TRPM7: variants seen among roughly 807,000 people sequenced by gnomAD.
TRPM7 encodes the protein transient receptor potential cation channel subfamily M member 7.
Under a neutral mutation model 229.7 loss-of-function variants are expected in TRPM7, and 134 were observed. The ratio of observed to expected loss-of-function variants is 0.58; its 90% CI spans 0.51 to 0.67. TRPM7 has a LOEUF of 0.67. TRPM7 is among the 30% of genes least tolerant of loss of function. The pLI is 0.00. For synonymous variants in TRPM7, 699 were observed against 715.2 expected, an observed-to-expected ratio of 0.98 and a Z score of 0.36; for missense variants, 1,901 against 2,210.0, an observed-to-expected ratio of 0.86 and a Z score of 2.80.
rs1566995531 is a variant in TRPM7 at position 50,607,112 on chromosome 15, C to CA, written c.2709+87_2709+88insT. On this transcript the variant is annotated intron_variant, in intron 20 of 38. Transcript: ENST00000646667. ...ACAATGTCATCATACACACACACAC[C>CA]CCCCTACGTATACACCCAAAACAAA... 9.9e-5 allele frequency: 110 copies of CA among 1,114,168 alleles called. 1 individual carries two copies. The highest frequency in any genetic ancestry group is 1.6e-4 in the South Asian group (9 of 56,876). 69.0% of individuals were successfully genotyped at this position (1,114,168 alleles called of 1,614,324 possible).
At chr15:50,669,214 G>A (rs1046531656) in intron 1 of TRPM7, among the ~76,000 whole-genome samples, 3 of 152,152 alleles carry the variant, frequency 2.0e-5, no homozygotes, top group Non-Finnish European at 4.4e-5. Flanking sequence ...GGCTGAGGTA[G>A]GTGGATCACC....
At chr15:50,610,088 G>A (rs1458888048) in intron 17 of TRPM7, 127 bp from the exon 18 acceptor site, 3 of 666,268 alleles carry the variant, frequency 4.5e-6, no homozygotes, top group South Asian at 3.0e-5. Context: ...TTTGCCCCTA[G>A]CAGTAGAGGG....
chr15:50,603,538 C>T (rs1320123664), intron 21 of TRPM7, among the ~76,000 whole-genome samples: 3 of 151,938 alleles, frequency 2.0e-5, no homozygotes, highest in Non-Finnish European at 2.9e-5. Context: ...GTTCAATTCC[C>T]ACCTATGAGT....
rs185189010 is a variant in TRPM7 at position 50,649,530 on chromosome 15, T to C, written c.123-645A>G. Among the ~76,000 whole-genome samples, 13 of 151,616 alleles carry C rather than the reference T, an allele frequency of 8.6e-5. No homozygotes were observed. The East Asian group carries it at 2.5e-3, about 29-fold the overall frequency. On this transcript the variant is annotated intron_variant, in intron 3 of 38. Coordinates refer to ENST00000646667, the MANE Select transcript of TRPM7 (RefSeq NM_017672.6). ...CTAATAATACTACAGAATGGATAAA[T>C]CTCAAAATCATCATACTGAGTGAAA...
chr15:50,653,606 G>A (rs542617307), intron 3 of TRPM7, among the ~76,000 whole-genome samples: 1 of 152,142 alleles, frequency 6.6e-6, no homozygotes, highest in Non-Finnish European at 1.5e-5. Flanking sequence ...GCACCAGCTT[G>A]GGGGCAATTT....
intron 12 of TRPM7, among the ~76,000 whole-genome samples, chr15:50,623,473 C>T (rs997805961): frequency 2.1e-5 from 3 of 142,300 alleles, no homozygotes; most frequent in African/African-American, 7.5e-5. Flanking sequence ...CATTTACCAT[C>T]TTATTGCTGC....
rs1249344447 is a variant in TRPM7, at chr15:50,558,493, G to C, written c.*3185C>G. On this transcript the variant is annotated 3_prime_UTR_variant, in exon 39 of 39. Coordinates refer to ENST00000646667, the MANE Select transcript of TRPM7 (RefSeq NM_017672.6). ...GGATCACTTGAGGTCAGGAGTTTGAGATCAGCCTGGCCAACAAGGTGAAAC... is the reference window on the plus strand; with the variant it reads ...GGATCACTTGAGGTCAGGAGTTTGACATCAGCCTGGCCAACAAGGTGAAAC... 4 of 152,224 alleles carry C rather than the reference G, an allele frequency of 2.6e-5. No individual in the cohort carries two copies. The highest frequency in any genetic ancestry group is 4.8e-5 in the African/African-American group (2 of 41,426). The allele number at this position is 152,224 out of a possible 1,614,324, so 9.4% of individuals were successfully genotyped here.
At chr15:50,577,074 T>TG (rs2054168863) in intron 31 of TRPM7, among the ~76,000 whole-genome samples, 1 of 148,496 alleles carries the variant, frequency 6.7e-6, no homozygotes. Context: ...TCTGTGCCAC[T>TG]GCACTCCAAC....
In TRPM7 at chr15:50,616,259, C is replaced by T. The variant is rs540314506; in HGVS notation, c.1495-1996G>A. ...TTTGAATAAAAATATTCAATTACTA[C>T]CTGTATTTAAAGATTTATCACTTAT... On this transcript the variant is annotated intron_variant, in intron 13 of 38. Coordinates refer to ENST00000646667, the MANE Select transcript of TRPM7 (RefSeq NM_017672.6). Among the ~76,000 whole-genome samples, 57 of 152,118 alleles carry T rather than the reference C, an allele frequency of 3.7e-4. 1 individual carries two copies. The South Asian group carries it at 0.012, about 32-fold the overall frequency.
At chr15:50,576,032 C>A in intron 31 of TRPM7, 113 bp from the exon 32 acceptor site, 1 of 1,086,796 alleles carries the variant, frequency 9.2e-7, no homozygotes, top group East Asian at 2.5e-5. Context: ...AACTGTTCCT[C>A]ACAAAAACAG....
chr15:50,609,980 A>G lies in TRPM7; in HGVS notation c.2281-19T>C, dbSNP rs777328338. 1.4e-5 allele frequency: 22 copies of G among 1,520,732 alleles called. No individual in the cohort carries two copies. The highest frequency in any genetic ancestry group is 2.0e-5 in the Non-Finnish European group (22 of 1,124,314). The allele number at this position is 1,520,732 out of a possible 1,614,324, so 94.2% of individuals were successfully genotyped here. On this transcript the variant is annotated intron_variant, in intron 17 of 38. Transcript: ENST00000646667. The stretch of plus-strand genomic sequence containing the variant: ...GTATGACCTAAATTTTTAGAAACAT[A>G]ATTTTGCATTTAAAAATTAATGACC...
In TRPM7 at chr15:50,594,436, A is replaced by G. The variant is rs749477304; in HGVS notation, c.3468T>C (p.Asp1156=). 5.6e-6 allele frequency: 9 copies of G among 1,609,276 alleles called. No homozygotes were observed. In the Admixed American group the frequency reaches 8.5e-5, roughly 15 times the overall value. ...TTAATATAGTTTACTTACTTGGTCCATCGGAAGTCTTATCTTTCTTTCTTC... is the reference window on the plus strand; with the variant it reads ...TTAATATAGTTTACTTACTTGGTCCGTCGGAAGTCTTATCTTTCTTTCTTC... ...CKRRKKDKTS[D]GPKLFLTEED... Residue 1156 remains aspartate, a synonymous_variant, in exon 24 of 39, where the codon GAT becomes GAC. Coordinates refer to ENST00000646667, the MANE Select transcript of TRPM7 (RefSeq NM_017672.6).
intron 38 of TRPM7, among the ~76,000 whole-genome samples, chr15:50,569,175 C>T (rs529100490): frequency 6.6e-6 from 1 of 152,202 alleles, no homozygotes; most frequent in South Asian, 2.1e-4. Context: ...GCTGGGACTA[C>T]AGGCATGTGT....
chr15:50,637,936 G>A (rs1054149439), intron 6 of TRPM7, among the ~76,000 whole-genome samples: 1 of 152,164 alleles, frequency 6.6e-6, no homozygotes, highest in Non-Finnish European at 1.5e-5. Context: ...AGATATTGTG[G>A]CCAGGCACAG....
At chr15:50,664,264 C>T (rs1325613315) in intron 1 of TRPM7, among the ~76,000 whole-genome samples, 3 of 147,342 alleles carry the variant, frequency 2.0e-5, no homozygotes, top group African/African-American at 2.5e-5. Flanking sequence ...GAGCCGAGAT[C>T]GCGCCACTGC....
At chr15:50,601,958 T>C (rs1462759591) in intron 21 of TRPM7, among the ~76,000 whole-genome samples, 1 of 150,912 alleles carries the variant, frequency 6.6e-6, no homozygotes, top group African/African-American at 2.4e-5. Context: ...ATATTTTCTT[T>C]TTTTTTTTTT....
At position 50,609,721 on chromosome 15, in the gene TRPM7, C is replaced by T. The variant is rs750734749; in HGVS notation, c.2440G>A (p.Val814Met). The stretch of plus-strand genomic sequence containing the variant: ...TCCAAAATCCGTACTTCTTTAAACA[C>T]TTCCTAAAATTAAAAAAAAAAAAAT... ...QNITEEIPME[V>M]FKEVRILDSN... The change falls in exon 19 of 39, where the codon GTG becomes ATG. Residue 814 changes from valine to methionine, a missense_variant. Physicochemically the swap from Val to Met is conservative, Grantham distance 21 (BLOSUM62 1). Transcript: ENST00000646667. 1.9e-6 allele frequency: 3 copies of T among 1,560,342 alleles called. No homozygotes were observed. The highest frequency in any genetic ancestry group is 3.1e-5 in the African/African-American group (2 of 65,518).
chr15:50,577,122 G>T (rs2054171498), intron 31 of TRPM7, among the ~76,000 whole-genome samples: 1 of 151,676 alleles, frequency 6.6e-6, no homozygotes, highest in Non-Finnish European at 1.5e-5. Context: ...CAGGGGAGGG[G>T]GCGGGAGGCG....
At chr15:50,578,966 A>G (rs2054270857) in intron 30 of TRPM7, among the ~76,000 whole-genome samples, 1 of 152,134 alleles carries the variant, frequency 6.6e-6, no homozygotes, top group Non-Finnish European at 1.5e-5. Context: ...AAACTATTTC[A>G]TAACTTCTGT....
Sources: gnomAD v4.1 joint callset for allele counts (sites outside exome capture counted in the v4.1 genomes callset) on GRCh38, gnomAD v4.1.1 for gene constraint, MANE v1.5 for transcripts, NCBI Gene and HGNC (gene_info 2026-07-23, HGNC 2026-07-21) for gene names.